The following TENM3 variants were observed in gnomAD, a reference collection of about 807,000 sequenced individuals.
The protein encoded by TENM3 is teneurin-3.
TENM3 carries 63 observed loss-of-function variants against 255.1 expected under a neutral mutation model. That is an observed-to-expected ratio of 0.25 (90% CI 0.20 to 0.30). TENM3 has a LOEUF of 0.30. Ranked by LOEUF, TENM3 falls within the 10% of genes least tolerant of loss-of-function variation. The pLI, the probability that TENM3 is intolerant of heterozygous loss-of-function variation, is 1.00. For synonymous variants in TENM3, 1,306 were observed against 1,322.3 expected, an observed-to-expected ratio of 0.99 and a Z score of 0.27; for missense variants, 2,929 against 3,461.1, an observed-to-expected ratio of 0.85 and a Z score of 3.86.
chr4:182,121,933 A>G, the TENM3 span, among the ~76,000 whole-genome samples: 1 of 152,238 alleles, frequency 6.6e-6, no homozygotes, highest in African/African-American at 2.4e-5. Context: ...ATTGGAGTCA[A>G]TCCTCTCAAA....
intron 1 of TENM3, among the ~76,000 whole-genome samples, chr4:182,261,500 C>T (rs1758787585): frequency 6.6e-6 from 1 of 152,190 alleles, no homozygotes; most frequent in Admixed American, 6.5e-5. Flanking sequence ...TTTTGTCATA[C>T]ACGCCTTACT....
intron 12 of TENM3, among the ~76,000 whole-genome samples, chr4:182,708,235 C>G (rs1758442240): frequency 3.3e-5 from 5 of 151,996 alleles, no homozygotes; most frequent in Admixed American, 2.0e-4. Context: ...CAAAGGAAGC[C>G]TTTATTATTA....
At chr4:181,989,829 T>G in the TENM3 span, among the ~76,000 whole-genome samples, 3 of 152,160 alleles carry the variant, frequency 2.0e-5, no homozygotes, top group Non-Finnish European at 2.9e-5. Flanking sequence ...AAATTCAACC[T>G]ATAAGTGACT....
In TENM3 at chr4:182,471,310, A is replaced by G. The variant is rs115991991; in HGVS notation, c.511+124381A>G. On this transcript the variant is annotated intron_variant, in intron 3 of 27. Transcript: ENST00000511685. ...TTTCTTACACAGTCATGTGTTGCCT[A>G]AAGACATGGATGCAGTCTAAGAAAA... 8.9e-3 allele frequency among the ~76,000 whole-genome samples: 1,361 copies of G among 152,334 alleles called. 10 individuals carry two copies. The highest frequency in any genetic ancestry group is 0.031 in the African/African-American group (1,302 of 41,574).
chr4:182,720,351 G>C (rs1357907016), intron 13 of TENM3, among the ~76,000 whole-genome samples: 5 of 151,776 alleles, frequency 3.3e-5, no homozygotes, highest in Non-Finnish European at 4.4e-5. Flanking sequence ...AAAGGAAGCG[G>C]GGGAGAGGGA....
Position 182,743,381 on chromosome 4 carries a change from A to G in TENM3, c.3591A>G (p.Ile1197Met). The change falls in exon 19 of 28, where the codon ATA becomes ATG. Residue 1197 changes from isoleucine (I) to methionine (M), a missense_variant. By Grantham distance (10) the Ile-to-Met change is conservative. This residue lies in a region of TENM3 where 1,608 missense variants were observed against 1,884.4 expected (regional missense o/e 0.85). Coordinates refer to ENST00000511685, the MANE Select transcript of TENM3 (RefSeq NM_001080477.4). ...GCGATTTCAACTATGTGCGGCGGAT[A>G]TTCCCTTCTGGAAATGTAACAAGTG... ...YVGDFNYVRR[I>M]FPSGNVTSVL... 6.2e-7 allele frequency: 1 copy of G among 1,613,946 alleles called. No individual in the cohort carries two copies. The highest frequency in any genetic ancestry group is 8.5e-7 in the Non-Finnish European group (1 of 1,179,854).
At chr4:181,830,510 C>T in the TENM3 span, among the ~76,000 whole-genome samples, 134,362 of 152,014 alleles carry the variant, frequency 0.88, 59,638 homozygotes, top group East Asian at 0.99. Flanking sequence ...TGACCTCAGG[C>T]GATCCACCCA....
chr4:181,539,055 C>T, the TENM3 span, among the ~76,000 whole-genome samples: 6 of 152,262 alleles, frequency 3.9e-5, 1 homozygote, highest in Non-Finnish European at 5.9e-5. Context: ...CAACACTTAT[C>T]GTTCCCTTTG....
intron 24 of TENM3, among the ~76,000 whole-genome samples, chr4:182,788,557 C>T (rs1477786938): frequency 6.6e-6 from 1 of 152,182 alleles, no homozygotes; most frequent in Non-Finnish European, 1.5e-5. Flanking sequence ...AAAACTGTGA[C>T]GTTGCAGCAC....
At chr4:182,787,674 G>T (rs991712114) in intron 24 of TENM3, among the ~76,000 whole-genome samples, 1 of 146,108 alleles carries the variant, frequency 6.8e-6, no homozygotes, top group African/African-American at 2.5e-5. Context: ...GGCGGAGGCT[G>T]CAGTGAGCCG....
intron 1 of TENM3, among the ~76,000 whole-genome samples, chr4:182,152,151 T>G (rs1750396511): frequency 6.6e-6 from 1 of 151,972 alleles, no homozygotes; most frequent in Admixed American, 6.6e-5. Context: ...TTTGTTGCCT[T>G]ACAGAACTAT....
chr4:181,788,322 G>A, the TENM3 span, among the ~76,000 whole-genome samples: 2 of 152,120 alleles, frequency 1.3e-5, no homozygotes, highest in African/African-American at 2.4e-5. Flanking sequence ...AGAACAGAAC[G>A]TCATGAATGG....
At chr4:182,026,752 T>G in the TENM3 span, among the ~76,000 whole-genome samples, 2 of 152,178 alleles carry the variant, frequency 1.3e-5, no homozygotes, top group African/African-American at 4.8e-5. Flanking sequence ...GGCACCTTGG[T>G]TGAAAATGGT....
chr4:181,925,090 C>A, the TENM3 span, among the ~76,000 whole-genome samples: 46 of 152,180 alleles, frequency 3.0e-4, no homozygotes, highest in African/African-American at 1.1e-3. Context: ...AACTTTTTCT[C>A]AGATTCATAA....
At chr4:182,361,936 G>T (rs1449112392) in intron 3 of TENM3, among the ~76,000 whole-genome samples, 1 of 152,208 alleles carries the variant, frequency 6.6e-6, no homozygotes, top group African/African-American at 2.4e-5. Flanking sequence ...CCTTCTGACA[G>T]ACAGGACCCT....
intron 3 of TENM3, among the ~76,000 whole-genome samples, chr4:182,559,454 A>G (rs973454924): frequency 6.6e-6 from 1 of 152,104 alleles, no homozygotes; most frequent in Non-Finnish European, 1.5e-5. Context: ...TAATCAAAAG[A>G]TTCTTTGTTC....
the TENM3 span, among the ~76,000 whole-genome samples, chr4:181,731,136 AG>A: frequency 6.6e-6 from 1 of 152,196 alleles, no homozygotes; most frequent in South Asian, 2.1e-4. Flanking sequence ...ACTTCGTAAT[AG>A]GGGCAAAAAA....
the TENM3 span, among the ~76,000 whole-genome samples, chr4:181,543,360 G>A: frequency 6.6e-6 from 1 of 152,140 alleles, no homozygotes; most frequent in Non-Finnish European, 1.5e-5. Flanking sequence ...GGAGGAGGAG[G>A]AGTAGGAGGA....
At chr4:181,726,465 T>G in the TENM3 span, among the ~76,000 whole-genome samples, 1 of 152,348 alleles carries the variant, frequency 6.6e-6, no homozygotes, top group Non-Finnish European at 1.5e-5. Flanking sequence ...TCAGAAAGGT[T>G]AAGTAACTTG....
Sources: allele counts gnomAD v4.1 joint callset (sites outside exome capture counted in the v4.1 genomes callset), GRCh38; gene constraint gnomAD v4.1.1; regional missense constraint gnomAD v4.1.1; transcripts MANE v1.5; gene names NCBI Gene and HGNC (gene_info 2026-07-23, HGNC 2026-07-21).